The following ITPR2 variants were observed in gnomAD, a reference collection of about 807,000 sequenced individuals.
The protein encoded by ITPR2 is inositol 1,4,5-trisphosphate-gated calcium channel ITPR2.
ITPR2 carries 207 observed loss-of-function variants against 317.1 expected under a neutral mutation model. The observed-to-expected ratio is 0.65, with a 90% CI of 0.58 to 0.73. The LOEUF (loss-of-function observed/expected upper bound fraction) is 0.73. Among genes scored for constraint, ITPR2 ranks in the 30% least tolerant of loss-of-function variants. ITPR2 has a pLI of 0.00. For missense variants in ITPR2, 2,613 were observed against 3,284.0 expected (o/e 0.80, Z 4.99); for synonymous variants, 1,156 against 1,149.1 (o/e 1.01, Z -0.12).
intron 1 of ITPR2, among the ~76,000 whole-genome samples, chr12:26,790,586 T>TACACACAC (rs10527860): frequency 0.015 from 2,258 of 147,806 alleles, 47 homozygotes; most frequent in African/African-American, 0.039. Context: ...CATATATGCT[T>TACACACAC]ACACACACAC....
chr12:26,536,031 C>T (rs1272481515), intron 37 of ITPR2, among the ~76,000 whole-genome samples: 4 of 152,166 alleles, frequency 2.6e-5, no homozygotes, highest in Non-Finnish European at 5.9e-5. Flanking sequence ...GTTTTCTCAG[C>T]CTTAAGAAAG....
chr12:26,358,041 G>A (rs1433060488), intron 55 of ITPR2, among the ~76,000 whole-genome samples: 2 of 152,208 alleles, frequency 1.3e-5, no homozygotes, highest in African/African-American at 4.8e-5. Flanking sequence ...TACATATTTA[G>A]GATATGATCA....
At chr12:26,493,352 C>G (rs1189156298) in intron 39 of ITPR2, among the ~76,000 whole-genome samples, 1 of 152,178 alleles carries the variant, frequency 6.6e-6, no homozygotes, top group East Asian at 1.9e-4. Flanking sequence ...GGCCTTGAGT[C>G]GAGAAAATGG....
At chr12:26,438,855 T>C (rs2136727109) in intron 47 of ITPR2, among the ~76,000 whole-genome samples, 1 of 152,334 alleles carries the variant, frequency 6.6e-6, no homozygotes, top group South Asian at 2.1e-4. Context: ...AATGTACAGC[T>C]TCAACCCTGC....
At chr12:26,448,205 C>T (rs527723690) in intron 45 of ITPR2, among the ~76,000 whole-genome samples, 5 of 152,110 alleles carry the variant, frequency 3.3e-5, no homozygotes, top group South Asian at 2.1e-4. Context: ...AGCCGTCTTA[C>T]GATATCCAAC....
intron 48 of ITPR2, among the ~76,000 whole-genome samples, chr12:26,429,644 T>C (rs1471937289): frequency 6.6e-6 from 1 of 152,206 alleles, no homozygotes; most frequent in Non-Finnish European, 1.5e-5. Context: ...GAGGGCCATC[T>C]CTAGACCTAT....
intron 55 of ITPR2, among the ~76,000 whole-genome samples, chr12:26,362,854 A>C (rs920050102): frequency 3.9e-5 from 6 of 152,222 alleles, no homozygotes; most frequent in African/African-American, 1.2e-4. Context: ...CTGGGGAATA[A>C]AAGATGGGGA....
chr12:26,694,120 G>A (rs2136987111), intron 10 of ITPR2, among the ~76,000 whole-genome samples: 2 of 152,288 alleles, frequency 1.3e-5, no homozygotes, highest in Middle Eastern at 6.8e-3. Context: ...TCCAATAGGT[G>A]GTCTGGTCCT....
chr12:26,749,348 A>G (rs1949378629), intron 2 of ITPR2, among the ~76,000 whole-genome samples: 1 of 152,248 alleles, frequency 6.6e-6, no homozygotes, highest in African/African-American at 2.4e-5. Context: ...GTCAAGCATT[A>G]GTGGAAAAGT....
At chr12:26,692,601 G>A (rs1948261536) in intron 10 of ITPR2, among the ~76,000 whole-genome samples, 1 of 152,120 alleles carries the variant, frequency 6.6e-6, no homozygotes, top group Non-Finnish European at 1.5e-5. Flanking sequence ...CGGTTCCAAT[G>A]TTTACAGGGT....
chr12:26,649,395 T>C (rs905458872), intron 21 of ITPR2: 7 of 152,226 alleles, frequency 4.6e-5, no homozygotes, highest in African/African-American at 1.7e-4. Context: ...AATATTCAAA[T>C]ATAACCTGCA....
chr12:26,688,795 T>A (rs1169949381), intron 10 of ITPR2, among the ~76,000 whole-genome samples: 1 of 152,146 alleles, frequency 6.6e-6, no homozygotes, highest in Non-Finnish European at 1.5e-5. Flanking sequence ...CTGAAAAAGT[T>A]ATCTTGGGTC....
intron 2 of ITPR2, among the ~76,000 whole-genome samples, chr12:26,730,915 G>T (rs1002119506): frequency 6.6e-6 from 1 of 152,154 alleles, no homozygotes; most frequent in African/African-American, 2.4e-5. Flanking sequence ...TGGAAATCTG[G>T]CAGGAAATCA....
intron 34 of ITPR2, among the ~76,000 whole-genome samples, chr12:26,575,068 T>G (rs1374565695): frequency 6.6e-6 from 1 of 150,466 alleles, no homozygotes; most frequent in Admixed American, 6.6e-5. Context: ...GATTTGGATG[T>G]AGGAGCCAAG....
At chr12:26,719,727 A>G (rs1948801553) in intron 5 of ITPR2, among the ~76,000 whole-genome samples, 2 of 152,110 alleles carry the variant, frequency 1.3e-5, no homozygotes, top group Admixed American at 6.5e-5. Context: ...AGCATTAGGT[A>G]TATCTCCTAA....
At chr12:26,682,884 T>A (rs1592033821) in intron 11 of ITPR2, among the ~76,000 whole-genome samples, 1 of 152,296 alleles carries the variant, frequency 6.6e-6, no homozygotes, top group South Asian at 2.1e-4. Context: ...CAAAGTGTGG[T>A]CCCTAGACCA....
chr12:26,569,398 A>T (rs939281857), intron 34 of ITPR2, among the ~76,000 whole-genome samples: 2 of 151,992 alleles, frequency 1.3e-5, no homozygotes, highest in African/African-American at 4.8e-5. Context: ...ACAAAAAAAT[A>T]CAAAAATTAG....
intron 35 of ITPR2, among the ~76,000 whole-genome samples, chr12:26,558,546 T>G (rs987687809): frequency 6.6e-6 from 1 of 152,234 alleles, no homozygotes; most frequent in Non-Finnish European, 1.5e-5. Flanking sequence ...TCTTAATCAC[T>G]CCTAACCATT....
intron 45 of ITPR2, among the ~76,000 whole-genome samples, chr12:26,454,648 C>T (rs915637338): frequency 2.3e-4 from 35 of 151,090 alleles, no homozygotes; most frequent in African/African-American, 7.5e-4. Flanking sequence ...TGAAGAAAGT[C>T]ATCTTTTTGA....
Sources: allele counts gnomAD v4.1 joint callset (sites outside exome capture counted in the v4.1 genomes callset), GRCh38; gene constraint gnomAD v4.1.1; transcripts MANE v1.5; gene names NCBI Gene and HGNC (gene_info 2026-07-23, HGNC 2026-07-21).